Variants in NTN1 observed in about 807,000 individuals in gnomAD.
NTN1 encodes netrin 1, also known as netrin-1.
NTN1 carries 11 observed loss-of-function variants against 54.2 expected under a neutral mutation model. That is an observed-to-expected ratio of 0.20 (90% confidence interval 0.13 to 0.34). The LOEUF (loss-of-function observed/expected upper bound fraction) is 0.34. Among genes scored for constraint, NTN1 ranks in the 10% least tolerant of loss-of-function variants. The pLI, the probability that NTN1 is intolerant of heterozygous loss-of-function variation, is 1.00. For missense variants in NTN1, 740 were observed against 893.1 expected, an observed-to-expected ratio of 0.83 and a Z score of 2.18; for synonymous variants, 371 against 382.0, an observed-to-expected ratio of 0.97 and a Z score of 0.33.
At chr17:9,140,779 C>T (rs2092295439) in intron 2 of NTN1, among the ~76,000 whole-genome samples, 1 of 152,206 alleles carries the variant, frequency 6.6e-6, no homozygotes, top group South Asian at 2.1e-4. Flanking sequence ...AAGGTCGTCT[C>T]TCCCTAGAAT....
At chr17:9,199,399 C>T (rs1228499544) in intron 5 of NTN1, among the ~76,000 whole-genome samples, 2 of 152,248 alleles carry the variant, frequency 1.3e-5, no homozygotes, top group African/African-American at 4.8e-5. Flanking sequence ...ACCTCAGCCT[C>T]CCAAAGTGCT....
chr17:9,013,603 C>A, the NTN1 span, among the ~76,000 whole-genome samples: 1 of 152,208 alleles, frequency 6.6e-6, no homozygotes, highest in Non-Finnish European at 1.5e-5. Context: ...CACCTGCTAA[C>A]CTGTTCCCTG....
At chr17:9,076,808 ACAGT>A (rs2092051799) in intron 2 of NTN1, among the ~76,000 whole-genome samples, 5 of 152,220 alleles carry the variant, frequency 3.3e-5, no homozygotes, top group African/African-American at 7.2e-5. Flanking sequence ...GGGTATTTTG[ACAGT>A]CAGTTATTTT....
chr17:9,177,107 A>G (rs996376276), intron 3 of NTN1: 1 of 152,460 alleles, frequency 6.6e-6, no homozygotes, highest in Non-Finnish European at 1.5e-5. Context: ...CGCTGCCTCC[A>G]TAAACCAGAG....
At chr17:9,168,532 CA>C (rs58496626) in intron 3 of NTN1, among the ~76,000 whole-genome samples, 30,385 of 136,820 alleles carry the variant, frequency 0.22, 3,395 homozygotes, top group African/African-American at 0.33. Context: ...AACGCCGTCT[CA>C]AAAAAAAAAA....
chr17:9,207,570 A>G (rs944444150), intron 5 of NTN1, among the ~76,000 whole-genome samples: 1 of 152,250 alleles, frequency 6.6e-6, no homozygotes, highest in African/African-American at 2.4e-5. Context: ...TGTAAGTCAC[A>G]GAGCCAGCAT....
rs1906269794 is a variant in NTN1 at position 9,242,860 on chromosome 17, C to CCACTCCA, written c.*2893_*2899dup. ...AGCACCCCTCCTCCACTCCGGTGCC[C>CCACTCCA]CACTCCAAGGAGCAGAGGGAAATGG... On this transcript the variant is annotated 3_prime_UTR_variant, in exon 7 of 7. Transcript: ENST00000173229. 1 of 152,450 alleles carries CCACTCCA rather than the reference C, an allele frequency of 6.6e-6. No homozygotes were observed. Among genetic ancestry groups the CCACTCCA allele is most frequent in the Non-Finnish European group, 1.5e-5 (1 of 68,086 alleles). 9.4% of individuals were successfully genotyped at this position (152,450 alleles called of 1,614,324 possible).
At chr17:9,087,030 C>T (rs796392682) in intron 2 of NTN1, among the ~76,000 whole-genome samples, 12 of 152,176 alleles carry the variant, frequency 7.9e-5, no homozygotes, top group African/African-American at 2.9e-4. Flanking sequence ...CATTTAATTT[C>T]CACCGTGACC....
intron 2 of NTN1, among the ~76,000 whole-genome samples, chr17:9,119,636 C>T (rs1481120586): frequency 6.6e-6 from 1 of 152,012 alleles, no homozygotes; most frequent in Non-Finnish European, 1.5e-5. Flanking sequence ...GTAGTTCAGA[C>T]TATAAGCATG....
intron 2 of NTN1, among the ~76,000 whole-genome samples, chr17:9,058,796 C>T (rs754276335): frequency 4.6e-5 from 7 of 151,876 alleles, no homozygotes; most frequent in Non-Finnish European, 8.8e-5. Context: ...CCCCAGGTAA[C>T]GGGAAGCTTG....
At chr17:9,218,725 GT>G (rs1158516534) in intron 5 of NTN1, among the ~76,000 whole-genome samples, 9 of 152,162 alleles carry the variant, frequency 5.9e-5, no homozygotes, top group Admixed American at 3.9e-4. Context: ...AGGCACCGCA[GT>G]CCCTCCCTCA....
At chr17:9,085,173 G>A (rs1287577291) in intron 2 of NTN1, among the ~76,000 whole-genome samples, 7 of 152,202 alleles carry the variant, frequency 4.6e-5, no homozygotes, top group Admixed American at 6.5e-5. Context: ...TCGTGGCTGG[G>A]TGGTGGGGAT....
the NTN1 span, among the ~76,000 whole-genome samples, chr17:9,004,181 C>T: frequency 6.6e-6 from 1 of 152,266 alleles, no homozygotes; most frequent in Non-Finnish European, 1.5e-5. Flanking sequence ...GTCCAAAACC[C>T]CCGAGGTTCG....
the NTN1 span, among the ~76,000 whole-genome samples, chr17:9,008,503 A>C: frequency 5.3e-5 from 8 of 151,464 alleles, no homozygotes; most frequent in Non-Finnish European, 1.0e-4. Context: ...TTGTATTTTC[A>C]GTAGAGACAG....
intron 2 of NTN1, among the ~76,000 whole-genome samples, chr17:9,063,957 G>A (rs1399048810): frequency 1.3e-5 from 2 of 152,134 alleles, no homozygotes; most frequent in Non-Finnish European, 2.9e-5. Context: ...GGGTTTTCCA[G>A]TATGATTTAT....
At chr17:9,227,593 TACAC>T (rs576639850) in intron 6 of NTN1, among the ~76,000 whole-genome samples, 1 of 94,104 alleles carries the variant, frequency 1.1e-5, no homozygotes, top group Non-Finnish European at 2.1e-5. Flanking sequence ...CACGCATGCA[TACAC>T]ACACCATCAC....
chr17:9,079,015 A>G (rs1342936649), intron 2 of NTN1, among the ~76,000 whole-genome samples: 3 of 152,200 alleles, frequency 2.0e-5, no homozygotes, highest in Non-Finnish European at 2.9e-5. Flanking sequence ...TACAATCCTA[A>G]TGGCTCCTCA....
rs558599993 is a variant in NTN1 at position 9,131,929 on chromosome 17, A to T, written c.1019-30884A>T. Among the ~76,000 whole-genome samples the T allele has an allele frequency of 2.5e-3, 379 of 151,250 alleles. 1 individual carries two copies. The highest frequency in any genetic ancestry group is 9.0e-3 in the African/African-American group (370 of 41,166). ...AGCAATTCTCTGCCTCAACCTCCCT[A>T]ATAGCCGGGACTACAGGCGCCCGCA... is the stretch of plus-strand genomic sequence containing the variant. On this transcript the variant is annotated intron_variant, in intron 2 of 6. Transcript: ENST00000173229.
intron 3 of NTN1, chr17:9,176,624 T>C (rs1242589344): frequency 6.6e-6 from 1 of 152,248 alleles, no homozygotes; most frequent in Non-Finnish European, 1.5e-5. Context: ...GATTTGTGAA[T>C]TTTTAGGAAA....
Sources: gnomAD v4.1 joint callset for allele counts (sites outside exome capture counted in the v4.1 genomes callset) on GRCh38, gnomAD v4.1.1 for gene constraint, MANE v1.5 for transcripts, NCBI Gene and HGNC (gene_info 2026-07-23, HGNC 2026-07-21) for gene names.